The following PDCD10 variants were observed in gnomAD, a reference collection of about 807,000 sequenced individuals.
PDCD10 encodes the protein programmed cell death 10.
A neutral mutation model predicts 29.2 loss-of-function variants in PDCD10; 4 were observed. The ratio of observed to expected loss-of-function variants is 0.14; its 90% CI spans 0.07 to 0.31. PDCD10 has a LOEUF of 0.31. Ranked by LOEUF, PDCD10 falls within the 10% of genes least tolerant of loss-of-function variation. The pLI, the probability that PDCD10 is intolerant of heterozygous loss-of-function variation, is 1.00. For synonymous variants in PDCD10, 70 were observed against 82.2 expected (o/e 0.85, Z 0.80); for missense variants, 183 against 257.9 (o/e 0.71, Z 1.99).
chr3:167,720,529 T>G (rs1458771221), intron 2 of PDCD10, among the ~76,000 whole-genome samples: 3 of 152,030 alleles, frequency 2.0e-5, no homozygotes, highest in East Asian at 3.9e-4. Flanking sequence ...TAACCTGAAC[T>G]CAGAGAGCTC....
chr3:167,697,961 T>C (rs1319706142), intron 4 of PDCD10: 3 of 456,712 alleles, frequency 6.6e-6, no homozygotes, highest in Admixed American at 2.3e-5. Flanking sequence ...ATGCTGATGA[T>C]TTTCTTTCCT....
intron 3 of PDCD10, among the ~76,000 whole-genome samples, chr3:167,709,114 A>G (rs1247216667): frequency 6.6e-6 from 1 of 152,096 alleles, no homozygotes; most frequent in Non-Finnish European, 1.5e-5. Flanking sequence ...ACTATGCTCA[A>G]AGTTTGAGGT....
In PDCD10 at chr3:167,697,042, A is replaced by T; in HGVS notation, c.235T>A (p.Ser79Thr). 1 of 1,603,518 alleles carries T rather than the reference A, an allele frequency of 6.2e-7. No homozygotes were observed. The highest frequency in any genetic ancestry group is 8.5e-7 in the Non-Finnish European group (1 of 1,170,420). The change falls in exon 5 of 9, where the codon TCC (serine) becomes ACC (threonine). Residue 79 changes from serine to threonine, a missense_variant. Transcript: ENST00000392750. ...TCATCAGCTGCCATACGAAGAAGGG[A>T]CTCCGTGAAGTTAACTTCCACGCTT... ...KKSVEVNFTE[S>T]LLRMAADDVE... is the part of the protein sequence containing the mutation.
Position 167,697,126 on chromosome 3 carries a change from C to T in PDCD10, c.151G>A (p.Ala51Thr), listed in dbSNP as rs1237563721. 3 of 1,520,760 alleles carry T rather than the reference C, an allele frequency of 2.0e-6. No homozygotes were observed. Among genetic ancestry groups the T allele is most frequent in the East Asian group, 2.3e-5 (1 of 44,424 alleles). 94.2% of individuals were successfully genotyped at this position (1,520,760 alleles called of 1,614,324 possible). A position where few individuals can be genotyped will look rare whatever the true frequency, so the allele number is the denominator to read the frequency against. ...AQTLRAAFIK[A>T]EKENPGLTQD... ...GTGAGACCTGGATTTTCTTTTTCAG[C>T]CTATAATAAAGAGAAAACTAGTTTT... The change falls in exon 5 of 9, where the codon GCT becomes ACT. Residue 51 changes from alanine (A) to threonine (T), a missense_variant and splice_region_variant. Ala to Thr is a moderately conservative substitution (Grantham distance 58, BLOSUM62 0). Coordinates refer to ENST00000392750, the MANE Select transcript of PDCD10 (RefSeq NM_007217.4).
At chr3:167,696,984 T>G (rs750568913) in intron 5 of PDCD10, 25 bp downstream of exon 5, 2 of 1,149,982 alleles carry the variant, frequency 1.7e-6, no homozygotes, top group African/African-American at 1.5e-5. Flanking sequence ...TTGTATAACT[T>G]AAACAAGGTT....
chr3:167,723,112 T>C (rs1286068250), intron 2 of PDCD10, among the ~76,000 whole-genome samples: 1 of 152,224 alleles, frequency 6.6e-6, no homozygotes, highest in Non-Finnish European at 1.5e-5. Flanking sequence ...TCAGTTTCAG[T>C]AGCATTTACA....
chr3:167,704,624 C>A, intron 4 of PDCD10: 1 of 443,174 alleles, frequency 2.3e-6, no homozygotes, highest in South Asian at 3.2e-5. Flanking sequence ...AACTCAGTTT[C>A]AAAAGCACAA....
chr3:167,709,072 T>A (rs551507537), intron 3 of PDCD10, among the ~76,000 whole-genome samples: 1 of 152,166 alleles, frequency 6.6e-6, no homozygotes, highest in South Asian at 2.1e-4. Flanking sequence ...GGATTGCAGA[T>A]AAAATCCCTA....
intron 2 of PDCD10, among the ~76,000 whole-genome samples, chr3:167,723,531 T>TACCTACAGCAGAAACCGAC (rs1291873010): frequency 6.6e-6 from 1 of 152,204 alleles, no homozygotes. Flanking sequence ...CCCATTTCAC[T>TACCTACAGCAGAAACCGAC]ACCTACAGCA....
At chr3:167,690,508 T>C (rs527484215) in intron 6 of PDCD10, among the ~76,000 whole-genome samples, 6 of 152,348 alleles carry the variant, frequency 3.9e-5, no homozygotes, top group African/African-American at 1.4e-4. Context: ...GGCTTTTTTA[T>C]TTTGGTCTGT....
intron 4 of PDCD10, 41 bp downstream of exon 4, chr3:167,704,801 A>G: frequency 1.5e-6 from 2 of 1,353,072 alleles, no homozygotes; most frequent in Non-Finnish European, 2.1e-6. Context: ...TTTACAAAGA[A>G]CATACACTTT....
intron 6 of PDCD10, among the ~76,000 whole-genome samples, chr3:167,694,820 A>G (rs1181004601): frequency 2.0e-5 from 3 of 152,242 alleles, no homozygotes; most frequent in Non-Finnish European, 2.9e-5. Flanking sequence ...CATATGTCAC[A>G]GCCTCTTCCA....
chr3:167,722,707 A>G (rs1041776724), intron 2 of PDCD10, among the ~76,000 whole-genome samples: 1 of 152,078 alleles, frequency 6.6e-6, no homozygotes, highest in Non-Finnish European at 1.5e-5. Context: ...CTTGTGTTTC[A>G]CTCTTTTGAA....
Position 167,704,837 on chromosome 3 carries a change from C to T in PDCD10, c.150+5G>A. 6.3e-7 allele frequency: 1 copy of T among 1,581,514 alleles called. No individual in the cohort carries two copies. Among genetic ancestry groups the T allele is most frequent in the African/African-American group, 1.3e-5 (1 of 74,432 alleles). ...AATAATCATAGTAAATTATTTGCACCTCACCTTGATGAAAGCGGCTCTCAG... is the reference window on the plus strand; with the variant it reads ...AATAATCATAGTAAATTATTTGCACTTCACCTTGATGAAAGCGGCTCTCAG... On this transcript the variant is annotated splice_donor_5th_base_variant and intron_variant, in intron 4 of 8. Coordinates refer to ENST00000392750, the MANE Select transcript of PDCD10 (RefSeq NM_007217.4).
intron 6 of PDCD10, among the ~76,000 whole-genome samples, chr3:167,694,986 T>C (rs887881584): frequency 6.6e-6 from 1 of 152,222 alleles, no homozygotes; most frequent in Non-Finnish European, 1.5e-5. Context: ...AGTTTAAAGA[T>C]ACTTATGTAG....
chr3:167,697,843 G>A (rs1043830992), intron 4 of PDCD10: 2 of 447,106 alleles, frequency 4.5e-6, no homozygotes, highest in African/African-American at 4.0e-5. Flanking sequence ...ATAGAGTTCT[G>A]AGTTTACCAA....
intron 8 of PDCD10, among the ~76,000 whole-genome samples, chr3:167,686,835 A>T (rs908393974): frequency 6.6e-6 from 1 of 152,234 alleles, no homozygotes; most frequent in Non-Finnish European, 1.5e-5. Context: ...CAAAAGAAGA[A>T]TATTATATGA....
At chr3:167,702,403 TAAG>T (rs1721536359) in intron 4 of PDCD10, among the ~76,000 whole-genome samples, 1 of 152,224 alleles carries the variant, frequency 6.6e-6, no homozygotes, top group Admixed American at 6.5e-5. Context: ...TCTGTGACTT[TAAG>T]AATACAGTAT....
In PDCD10 at chr3:167,727,376, A is replaced by G. The variant is rs187977440; in HGVS notation, c.-117+6838T>C. On this transcript the variant is annotated intron_variant, in intron 2 of 8. Coordinates refer to ENST00000392750, the MANE Select transcript of PDCD10 (RefSeq NM_007217.4). ...GTGACAATCCTCATTTTTTTTTCCT[A>G]TGTCTAAATTTTTGGTAAATTCTGA... Among the ~76,000 whole-genome samples the G allele has an allele frequency of 3.1e-3, 468 of 152,092 alleles. 3 individuals are homozygous for G. The highest frequency in any genetic ancestry group is 6.8e-3 in the Middle Eastern group (2 of 294).
Sources: gnomAD v4.1 joint callset for allele counts (sites outside exome capture counted in the v4.1 genomes callset) on GRCh38, gnomAD v4.1.1 for gene constraint, MANE v1.5 for transcripts, NCBI Gene and HGNC (gene_info 2026-07-23, HGNC 2026-07-21) for gene names.